The following SNTG2 variants were observed in gnomAD, a reference collection of about 807,000 sequenced individuals.
The protein encoded by SNTG2 is syntrophin gamma 2.
Under a neutral mutation model 70.9 loss-of-function variants are expected in SNTG2, and 74 were observed. The ratio of observed to expected loss-of-function variants is 1.04; its 90% CI spans 0.86 to 1.27. SNTG2 has a LOEUF of 1.27. Ranked by LOEUF, SNTG2 falls within the 50% of genes most tolerant of loss-of-function variation. SNTG2 has a pLI of 0.00. For missense variants in SNTG2, 717 were observed against 690.7 expected (o/e 1.04, Z -0.43); for synonymous variants, 278 against 273.8 (o/e 1.02, Z -0.15).
At chr2:1,221,397 C>CTCTG (rs1351737816) in intron 9 of SNTG2, among the ~76,000 whole-genome samples, 781 of 117,966 alleles carry the variant, frequency 6.6e-3, no homozygotes, top group Middle Eastern at 0.012. Flanking sequence ...CCCTCTGTCT[C>CTCTG]TGTCCCTCTC....
chr2:1,308,844 A>G (rs938092180), intron 15 of SNTG2, among the ~76,000 whole-genome samples: 1 of 152,168 alleles, frequency 6.6e-6, no homozygotes, highest in East Asian at 1.9e-4. Flanking sequence ...TGCTGCTGCT[A>G]AGGAGGGACC....
chr2:1,031,979 A>C (rs908657181), intron 1 of SNTG2, among the ~76,000 whole-genome samples: 7 of 152,188 alleles, frequency 4.6e-5, no homozygotes, highest in Non-Finnish European at 7.3e-5. Flanking sequence ...AACTCTGTGA[A>C]TACAGTAAAA....
In SNTG2 at chr2:1,267,369, G is replaced by C; in HGVS notation, c.1082G>C (p.Trp361Ser). Residue 361 changes from tryptophan (W) to serine (S), a missense_variant, in exon 14 of 17, where the codon TGG becomes TCG. Trp to Ser is a radical substitution (Grantham distance 177). Coordinates refer to ENST00000308624, the MANE Select transcript of SNTG2 (RefSeq NM_018968.4). The part of the protein sequence containing the change: ...CEVLFKVHKF[W>S]LTEDCWLQAN... Reference sequence around the variant, plus strand: ...AATCCATGCTCTGTTTTTCAGTTCTGGCTCACAGAGGACTGCTGGTTGCAA... The same window carrying C: ...AATCCATGCTCTGTTTTTCAGTTCTCGCTCACAGAGGACTGCTGGTTGCAA... The C allele has an allele frequency of 1.3e-6, 2 of 1,596,622 alleles. No individual in the cohort carries two copies. The highest frequency in any genetic ancestry group is 1.7e-6 in the Non-Finnish European group (2 of 1,170,680).
intron 7 of SNTG2, among the ~76,000 whole-genome samples, chr2:1,171,032 GT>G (rs929888164): frequency 1.3e-5 from 2 of 152,006 alleles, no homozygotes; most frequent in African/African-American, 4.8e-5. Flanking sequence ...AAGATTAGGT[GT>G]TTTAATAAAC....
intron 1 of SNTG2, among the ~76,000 whole-genome samples, chr2:1,081,954 A>G (rs1454865463): frequency 6.6e-6 from 1 of 152,122 alleles, no homozygotes; most frequent in Non-Finnish European, 1.5e-5. Flanking sequence ...GTGGTTGTTA[A>G]ATTACCAGAT....
chr2:1,222,302 T>C (rs1209088589), intron 9 of SNTG2, among the ~76,000 whole-genome samples: 3 of 152,278 alleles, frequency 2.0e-5, no homozygotes, highest in Admixed American at 1.3e-4. Context: ...AAGTCTCCGC[T>C]TTTGGACATT....
intron 6 of SNTG2, among the ~76,000 whole-genome samples, chr2:1,159,104 A>ATGTGCATGCGTGTG (rs1670097283): frequency 6.7e-6 from 1 of 149,754 alleles, no homozygotes; most frequent in Non-Finnish European, 1.5e-5. Flanking sequence ...GCATGCGTGT[A>ATGTGCATGCGTGTG]CCTGTGTGTT....
At chr2:1,093,532 T>C (rs1665172823) in intron 2 of SNTG2, among the ~76,000 whole-genome samples, 1 of 152,240 alleles carries the variant, frequency 6.6e-6, no homozygotes, top group Non-Finnish European at 1.5e-5. Context: ...AGTTCCTAGA[T>C]ATGCTAATGT....
At chr2:1,133,740 A>G (rs74863296) in intron 4 of SNTG2, among the ~76,000 whole-genome samples, 19,091 of 152,216 alleles carry the variant, frequency 0.13, 1,248 homozygotes, top group Admixed American at 0.15. Context: ...CAGCTGAAAC[A>G]CATTTCACAG....
At chr2:1,173,607 C>A (rs1358718316) in intron 8 of SNTG2, among the ~76,000 whole-genome samples, 2 of 152,278 alleles carry the variant, frequency 1.3e-5, no homozygotes, top group African/African-American at 2.4e-5. Flanking sequence ...TATCCACCCT[C>A]CCAAGAAAAC....
At chr2:957,399 G>A (rs1238662776) in intron 1 of SNTG2, among the ~76,000 whole-genome samples, 1 of 152,062 alleles carries the variant, frequency 6.6e-6, no homozygotes, top group African/African-American at 2.4e-5. Flanking sequence ...AAAGTTGGGG[G>A]TTTGGCGATG....
At chr2:1,289,114 G>T (rs1414140609) in intron 14 of SNTG2, among the ~76,000 whole-genome samples, 1 of 151,796 alleles carries the variant, frequency 6.6e-6, no homozygotes, top group South Asian at 2.1e-4. Flanking sequence ...TCAAGTGTTG[G>T]CATCACCTCT....
intron 1 of SNTG2, among the ~76,000 whole-genome samples, chr2:1,070,630 A>G (rs926241365): frequency 1.3e-5 from 2 of 152,166 alleles, no homozygotes; most frequent in African/African-American, 4.8e-5. Context: ...ATTTATATTC[A>G]AGTTTCTCTA....
At chr2:1,243,139 C>T (rs1293185703) in intron 11 of SNTG2, among the ~76,000 whole-genome samples, 1 of 152,244 alleles carries the variant, frequency 6.6e-6, no homozygotes. Flanking sequence ...ATGCAACTAA[C>T]AGGCATTTCA....
intron 1 of SNTG2, among the ~76,000 whole-genome samples, chr2:1,003,873 G>C (rs1198936541): frequency 6.6e-6 from 1 of 152,048 alleles, no homozygotes; most frequent in African/African-American, 2.4e-5. Flanking sequence ...TAAACTTTTT[G>C]TTATTTCTCA....
chr2:1,333,681 T>C (rs1001865089), intron 16 of SNTG2, among the ~76,000 whole-genome samples: 2 of 151,986 alleles, frequency 1.3e-5, no homozygotes, highest in African/African-American at 4.8e-5. Context: ...AAAACATAAA[T>C]TGGGGAAAGA....
At chr2:1,205,932 T>C (rs922254227) in intron 8 of SNTG2, among the ~76,000 whole-genome samples, 2 of 152,210 alleles carry the variant, frequency 1.3e-5, no homozygotes, top group Admixed American at 6.5e-5. Flanking sequence ...AACTTTTGAC[T>C]ACATCATAAA....
chr2:1,003,447 A>T (rs1275604245), intron 1 of SNTG2, among the ~76,000 whole-genome samples: 2 of 152,170 alleles, frequency 1.3e-5, no homozygotes, highest in Non-Finnish European at 2.9e-5. Context: ...ACCCAGTTGG[A>T]GGCTTCCATA....
intron 4 of SNTG2, among the ~76,000 whole-genome samples, chr2:1,102,264 T>C (rs1278129605): frequency 6.6e-6 from 1 of 152,128 alleles, no homozygotes; most frequent in Non-Finnish European, 1.5e-5. Context: ...TGAAGTTGGT[T>C]TAAAATTAGT....
Sources: gnomAD v4.1 joint callset for allele counts (sites outside exome capture counted in the v4.1 genomes callset) on GRCh38, gnomAD v4.1.1 for gene constraint, MANE v1.5 for transcripts, NCBI Gene and HGNC (gene_info 2026-07-23, HGNC 2026-07-21) for gene names.